Variants in PBX4 observed in about 807,000 individuals in gnomAD.
PBX4 encodes pre-B-cell leukemia transcription factor 4.
In PBX4, 26 loss-of-function variants were observed where a neutral mutation model predicts 35.1. The ratio of observed to expected loss-of-function variants is 0.74; its 90% CI spans 0.54 to 1.03. PBX4 has a LOEUF of 1.03. Ranked by LOEUF, PBX4 falls within the 50% of genes least tolerant of loss-of-function variation. The probability of loss-of-function intolerance (pLI) is 0.00; values close to 1 mark genes in which losing one functional copy is unlikely to be tolerated. For synonymous variants in PBX4, 199 were observed against 204.2 expected (o/e 0.97, Z 0.22); for missense variants, 448 against 504.3 (o/e 0.89, Z 1.07).
At chr19:19,576,469 G>T (rs1020390981) in intron 2 of PBX4, among the ~76,000 whole-genome samples, 1 of 151,744 alleles carries the variant, frequency 6.6e-6, no homozygotes. Flanking sequence ...CGTGATCCAC[G>T]CACCTTGACC....
chr19:19,570,688 T>G lies in PBX4; in HGVS notation c.339A>C (p.Pro113=). 1 of 1,614,174 alleles carries G rather than the reference T, an allele frequency of 6.2e-7. No homozygotes were observed. The highest frequency in any genetic ancestry group is 2.2e-5 in the East Asian group (1 of 44,886). ...GAVARAGTAT[P]GGCPNDNSIE... ...TGCTATTGTCATTTGGACAGCCACC[T>G]GGTGTTGCTGTGCCGGCCCTGGCCA... is the stretch of plus-strand genomic sequence containing the variant. The change falls in exon 3 of 8, where the codon CCA becomes CCC. Residue 113 remains proline, a synonymous_variant. Coordinates refer to ENST00000251203, the MANE Select transcript of PBX4 (RefSeq NM_025245.3).
intron 2 of PBX4, 91 bp downstream of exon 2, chr19:19,599,201 A>G (rs1346901553): frequency 1.9e-6 from 2 of 1,072,662 alleles, no homozygotes; most frequent in Non-Finnish European, 2.8e-6. Flanking sequence ...ATCCAGCCTC[A>G]GGTGATCTGC....
Position 19,562,782 on chromosome 19 carries a change from C to T in PBX4, c.1033-665G>A, listed in dbSNP as rs778463326. On this transcript the variant is annotated intron_variant, in intron 7 of 7. Transcript: ENST00000251203. This position sits in a 1 kb window ranked among gnomAD's most constrained non-coding sequence, Gnocchi z 4.8. The stretch of plus-strand genomic sequence containing the variant: ...TGGGGTGGACACACAGCTGCTGGCG[C>T]GTAGTCAGGTCCCAGGGGTGCAAAG... Among the ~76,000 whole-genome samples the T allele has an allele frequency of 1.3e-5, 2 of 152,132 alleles. No individual in the cohort carries two copies. Among genetic ancestry groups the T allele is most frequent in the Admixed American group, 6.5e-5 (1 of 15,272 alleles).
intron 6 of PBX4, among the ~76,000 whole-genome samples, chr19:19,564,402 T>C (rs1023864300): frequency 6.6e-6 from 1 of 152,008 alleles, no homozygotes; most frequent in African/African-American, 2.4e-5. Flanking sequence ...TTGTTGGACA[T>C]TTGGGTTGGT....
At chr19:19,582,963 G>C (rs2061465158) in intron 2 of PBX4, among the ~76,000 whole-genome samples, 1 of 152,242 alleles carries the variant, frequency 6.6e-6, no homozygotes, top group Non-Finnish European at 1.5e-5. Flanking sequence ...GAACACTCCT[G>C]TTTCACCCGG....
intron 1 of PBX4, among the ~76,000 whole-genome samples, chr19:19,609,387 T>A (rs2144788680): frequency 6.6e-6 from 1 of 151,376 alleles, no homozygotes; most frequent in African/African-American, 2.4e-5. Context: ...CCGTCTCTAC[T>A]AAAAATACAA....
intron 2 of PBX4, among the ~76,000 whole-genome samples, chr19:19,589,011 C>T (rs2061508754): frequency 6.6e-6 from 1 of 151,938 alleles, no homozygotes; most frequent in Non-Finnish European, 1.5e-5. Flanking sequence ...ACTTGTAGTC[C>T]CAGCTACTCC....
chr19:19,566,774 G>A (rs1261935222), intron 5 of PBX4, among the ~76,000 whole-genome samples: 5 of 149,104 alleles, frequency 3.4e-5, no homozygotes, highest in Non-Finnish European at 7.4e-5. Context: ...GCAGTGGTGC[G>A]ACCTCAACTC....
chr19:19,583,281 A>C (rs1600416991), intron 2 of PBX4, among the ~76,000 whole-genome samples: 1 of 151,024 alleles, frequency 6.6e-6, no homozygotes, highest in Non-Finnish European at 1.5e-5. Flanking sequence ...TCCGTCTCAA[A>C]AAAACAAAAC....
At chr19:19,588,360 G>C in intron 2 of PBX4, 1 of 1,316,646 alleles carries the variant, frequency 7.6e-7, no homozygotes, top group Non-Finnish European at 1.1e-6. Flanking sequence ...ACAGTCATCT[G>C]ATGGCAACAC....
At position 19,599,322 on chromosome 19, in the gene PBX4, T is replaced by A. The variant is rs377677809; in HGVS notation, c.163A>T (p.Ser55Cys). 6.2e-7 allele frequency: 1 copy of A among 1,613,084 alleles called. No homozygotes were observed. Among genetic ancestry groups the A allele is most frequent in the African/African-American group, 1.3e-5 (1 of 74,850 alleles). ...NCHRMKPALF[S>C]VLCEIKEKTV... The stretch of plus-strand genomic sequence containing the variant: ...TTTTCCTTGATCTCACAGAGCACGC[T>A]GAACAGAGCAGGCTTCATCCGATGG... Residue 55 changes from serine to cysteine, a missense_variant, in exon 2 of 8, where the codon AGC becomes TGC. Coordinates refer to ENST00000251203, the MANE Select transcript of PBX4 (RefSeq NM_025245.3).
chr19:19,608,829 T>C (rs1038325946), intron 1 of PBX4, among the ~76,000 whole-genome samples: 12 of 152,180 alleles, frequency 7.9e-5, no homozygotes, highest in African/African-American at 2.9e-4. Flanking sequence ...GCCCATGCTC[T>C]ACAAGCTCTA....
intron 2 of PBX4, among the ~76,000 whole-genome samples, chr19:19,573,908 T>G (rs1479287486): frequency 6.6e-6 from 1 of 152,174 alleles, no homozygotes; most frequent in African/African-American, 2.4e-5. Flanking sequence ...TTTTGTATTT[T>G]TAGTAGAAAC....
In PBX4 at chr19:19,563,769, G is replaced by A. The variant is rs747408614; in HGVS notation, c.926-154C>T. 14 of 678,178 alleles carry A rather than the reference G, an allele frequency of 2.1e-5. No individual in the cohort carries two copies. The highest frequency in any genetic ancestry group is 3.9e-4 in the Middle Eastern group (1 of 2,568). The allele number at this position is 678,178 out of a possible 1,614,324, so 42.0% of individuals were successfully genotyped here. A position where few individuals can be genotyped will look rare whatever the true frequency, so the allele number is the denominator to read the frequency against. On this transcript the variant is annotated intron_variant, in intron 6 of 7. Transcript: ENST00000251203. The surrounding 1 kb of genome is among the most constrained non-coding windows in gnomAD (Gnocchi z 5.1). ...TCAGCCCCCACCCAGGCAGGCCAGC[G>A]GGCCCTCCCCACCACACTACTCATG...
chr19:19,594,080 T>C (rs1459305723), intron 2 of PBX4, among the ~76,000 whole-genome samples: 7 of 143,992 alleles, frequency 4.9e-5, no homozygotes, highest in African/African-American at 1.8e-4. Flanking sequence ...CTCTGTGTCT[T>C]AATTAAAAAA....
Position 19,561,750 on chromosome 19 carries a change from C to T in PBX4, c.*275G>A, listed in dbSNP as rs1041813548. 6.3e-6 allele frequency: 2 copies of T among 318,088 alleles called. No homozygotes were observed. Among genetic ancestry groups the T allele is most frequent in the Non-Finnish European group, 1.1e-5 (2 of 174,668 alleles). 19.7% of individuals were successfully genotyped at this position (318,088 alleles called of 1,614,324 possible). On this transcript the variant is annotated 3_prime_UTR_variant, in exon 8 of 8. Transcript: ENST00000251203. Reference sequence around the variant, plus strand: ...AAAAATTTTAATGGGAAAATCTGTGCCCAGTCCTAGAACAGACAATTCAAT... The same window carrying T: ...AAAAATTTTAATGGGAAAATCTGTGTCCAGTCCTAGAACAGACAATTCAAT...
chr19:19,613,445 CAAAAAAAAAAAAAAA>C (rs57256131), intron 1 of PBX4, among the ~76,000 whole-genome samples: 12 of 113,606 alleles, frequency 1.1e-4, no homozygotes, highest in Non-Finnish European at 6.0e-5. Context: ...GACTCTGTCT[CAAAAAAAAAAAAAAA>C]AAAAAAAAAA....
In PBX4 at chr19:19,618,680, C is replaced by T. The variant is rs1323509832; in HGVS notation, c.-51G>A. Reference sequence around the variant, plus strand: ...TGAGGGTGCCGTCGAGCCTGGAGCACTACCACTGGCGCCGCAGCCAACCGC... The same window carrying T: ...TGAGGGTGCCGTCGAGCCTGGAGCATTACCACTGGCGCCGCAGCCAACCGC... On this transcript the variant is annotated 5_prime_UTR_variant, in exon 1 of 8. In the 5' UTR this introduces an upstream ATG that the reference lacks. Transcript: ENST00000251203. 7 of 1,179,262 alleles carry T rather than the reference C, an allele frequency of 5.9e-6. No individual in the cohort carries two copies. In the East Asian group the frequency reaches 2.7e-4, roughly 45 times the overall value. The allele number at this position is 1,179,262 out of a possible 1,614,324, so 73.0% of individuals were successfully genotyped here.
Position 19,564,919 on chromosome 19 carries a change from C to T in PBX4, c.925+14G>A, listed in dbSNP as rs760467315. ...ATGGGTACAGATGACTGTCCCTGGG[C>T]CAGCCTCACTCACCGGAGCTAGGTG... On this transcript the variant is annotated intron_variant, in intron 6 of 7. Coordinates refer to ENST00000251203, the MANE Select transcript of PBX4 (RefSeq NM_025245.3). The T allele has an allele frequency of 6.2e-7, 1 of 1,614,194 alleles. No homozygotes were observed. The highest frequency in any genetic ancestry group is 8.5e-7 in the Non-Finnish European group (1 of 1,180,024).
Sources: gnomAD v4.1 joint callset for allele counts (sites outside exome capture counted in the v4.1 genomes callset) on GRCh38, gnomAD v4.1.1 for gene constraint, Gnocchi (gnomAD v3.1) non-coding constraint, MANE v1.5 for transcripts, NCBI Gene and HGNC (gene_info 2026-07-23, HGNC 2026-07-21) for gene names.